SORCS1: variants seen among roughly 807,000 people sequenced by gnomAD.
SORCS1 encodes the protein sortilin related VPS10 domain containing receptor 1, also known as VPS10 domain-containing receptor SorCS1.
Under a neutral mutation model 146.1 loss-of-function variants are expected in SORCS1, and 60 were observed. The observed-to-expected ratio is 0.41, with a 90% confidence interval of 0.33 to 0.51. The LOEUF (loss-of-function observed/expected upper bound fraction) is 0.51. Ranked by LOEUF, SORCS1 falls within the 20% of genes least tolerant of loss-of-function variation. SORCS1 has a pLI of 0.21. For missense variants in SORCS1, 1,352 were observed against 1,487.6 expected (o/e 0.91, Z 1.50); for synonymous variants, 637 against 584.0 (o/e 1.09, Z -1.31).
chr10:107,101,806 T>C (rs896220720), intron 1 of SORCS1, among the ~76,000 whole-genome samples: 1 of 151,884 alleles, frequency 6.6e-6, no homozygotes, highest in Non-Finnish European at 1.5e-5. Flanking sequence ...GTTGACTCAA[T>C]AGTCTTTATA....
intron 1 of SORCS1, among the ~76,000 whole-genome samples, chr10:107,120,046 G>C (rs769946091): frequency 9.9e-5 from 15 of 151,938 alleles, no homozygotes; most frequent in Non-Finnish European, 2.1e-4. Flanking sequence ...ATGCCATCTA[G>C]GATGACTACC....
At chr10:107,119,540 TA>T (rs1966263483) in intron 1 of SORCS1, among the ~76,000 whole-genome samples, 1 of 152,224 alleles carries the variant, frequency 6.6e-6, no homozygotes, top group African/African-American at 2.4e-5. Context: ...ATTTTTGTTT[TA>T]TTAGGAAAAT....
chr10:107,121,614 C>T (rs35437499), intron 1 of SORCS1, among the ~76,000 whole-genome samples: 12,905 of 150,814 alleles, frequency 0.086, 617 homozygotes, highest in African/African-American at 0.14. Flanking sequence ...CATGATTCTA[C>T]AGTAAAAAAA....
At position 107,074,352 on chromosome 10, in the gene SORCS1, A is replaced by AAGT. The variant is rs1230530451; in HGVS notation, c.558+89616_558+89617insACT. Among the ~76,000 whole-genome samples, 9 of 152,286 alleles carry AAGT rather than the reference A, an allele frequency of 5.9e-5. No individual in the cohort carries two copies. In the East Asian group the frequency reaches 1.7e-3, roughly 29 times the overall value. On this transcript the variant is annotated intron_variant, in intron 1 of 25. Transcript: ENST00000263054. ...AGTAATATGTGTTTAAGTTTACTCC[A>AAGT]TGTCTCTTCATGACTTGATAGCTCA...
chr10:106,859,196 C>T (rs746734512), intron 2 of SORCS1, among the ~76,000 whole-genome samples: 22 of 152,202 alleles, frequency 1.4e-4, no homozygotes, highest in Non-Finnish European at 2.9e-4. Context: ...CTGACCATGC[C>T]AATCAACTAG....
At chr10:106,845,737 T>C (rs1262528945) in intron 2 of SORCS1, among the ~76,000 whole-genome samples, 5 of 74,402 alleles carry the variant, frequency 6.7e-5, no homozygotes. Context: ...AAATCTTTAA[T>C]CCATCTTGAA....
chr10:106,633,073 C>T (rs903086069), intron 18 of SORCS1, among the ~76,000 whole-genome samples: 5 of 152,064 alleles, frequency 3.3e-5, no homozygotes, highest in Admixed American at 3.3e-4. Context: ...GAGGTTAAAG[C>T]AGAGAAAAAT....
Position 106,736,168 on chromosome 10 carries a change from C to G in SORCS1, c.960-6054G>C, listed in dbSNP as rs187589574. ...TCTACAGAGAAACTCAGAAATGTCACTAGTTTATCATTCGCCTGGCATTTT... is the reference window on the plus strand; with the variant it reads ...TCTACAGAGAAACTCAGAAATGTCAGTAGTTTATCATTCGCCTGGCATTTT... On this transcript the variant is annotated intron_variant, in intron 5 of 25. Transcript: ENST00000263054. Among the ~76,000 whole-genome samples the G allele has an allele frequency of 3.7e-3, 564 of 152,288 alleles. 10 individuals are homozygous for G. The highest frequency in any genetic ancestry group is 0.013 in the African/African-American group (544 of 41,548).
intron 2 of SORCS1, among the ~76,000 whole-genome samples, chr10:106,938,393 T>C (rs1320132589): frequency 6.6e-6 from 1 of 152,198 alleles, no homozygotes; most frequent in African/African-American, 2.4e-5. Context: ...TAGAGTTTTA[T>C]GTTTGGAGAG....
intron 17 of SORCS1, among the ~76,000 whole-genome samples, chr10:106,663,741 T>C (rs1004425637): frequency 1.3e-5 from 2 of 152,192 alleles, no homozygotes; most frequent in South Asian, 4.1e-4. Context: ...AATTCAGTGG[T>C]GTGAGGCCTT....
chr10:106,727,224 T>G (rs1856265385), intron 6 of SORCS1, among the ~76,000 whole-genome samples: 1 of 152,184 alleles, frequency 6.6e-6, no homozygotes, highest in African/African-American at 2.4e-5. Context: ...TCAGACAACC[T>G]GGTAAGTGAG....
chr10:106,885,399 A>G (rs1411380938), intron 2 of SORCS1, among the ~76,000 whole-genome samples: 3 of 152,306 alleles, frequency 2.0e-5, no homozygotes, highest in East Asian at 3.9e-4. Context: ...TTGGATCTCA[A>G]TTATTGAATG....
intron 2 of SORCS1, among the ~76,000 whole-genome samples, chr10:106,913,393 A>C (rs1952259694): frequency 2.6e-5 from 4 of 152,224 alleles, no homozygotes; most frequent in Admixed American, 2.0e-4. Context: ...TTCTTCATTT[A>C]AATATCTTGT....
At chr10:106,940,357 T>G (rs1953974600) in intron 2 of SORCS1, among the ~76,000 whole-genome samples, 1 of 152,208 alleles carries the variant, frequency 6.6e-6, no homozygotes, top group African/African-American at 2.4e-5. Context: ...GCGCTTCTTG[T>G]TACTGAACAT....
chr10:106,740,941 C>A (rs1251609102), intron 5 of SORCS1, among the ~76,000 whole-genome samples: 1 of 152,178 alleles, frequency 6.6e-6, no homozygotes, highest in Non-Finnish European at 1.5e-5. Context: ...GCTCTATACA[C>A]CACCTGTAAA....
chr10:106,854,974 T>C (rs1949727113), intron 2 of SORCS1, among the ~76,000 whole-genome samples: 1 of 152,200 alleles, frequency 6.6e-6, no homozygotes. Context: ...TTCTTTTCCT[T>C]ACATAGACTT....
At chr10:107,064,999 C>A (rs1456360267) in intron 1 of SORCS1, among the ~76,000 whole-genome samples, 4 of 152,064 alleles carry the variant, frequency 2.6e-5, no homozygotes, top group African/African-American at 9.7e-5. Flanking sequence ...GCACTGTTTC[C>A]CTGGGAACAG....
At chr10:107,076,729 G>A (rs973541455) in intron 1 of SORCS1, among the ~76,000 whole-genome samples, 1 of 152,068 alleles carries the variant, frequency 6.6e-6, no homozygotes, top group African/African-American at 2.4e-5. Flanking sequence ...CTCCCATTGA[G>A]GTGAACATCA....
chr10:107,083,110 C>CAAAAA (rs538577059), intron 1 of SORCS1, among the ~76,000 whole-genome samples: 54 of 60,264 alleles, frequency 9.0e-4, no homozygotes, highest in African/African-American at 1.5e-3. Flanking sequence ...CTCCAACTCA[C>CAAAAA]AAAAAAAAAA....
Sources: gnomAD v4.1 joint callset for allele counts (sites outside exome capture counted in the v4.1 genomes callset) on GRCh38, gnomAD v4.1.1 for gene constraint, MANE v1.5 for transcripts, NCBI Gene and HGNC (gene_info 2026-07-23, HGNC 2026-07-21) for gene names.